The following GABRG3 variants were observed in gnomAD, a reference collection of about 807,000 sequenced individuals.
GABRG3 encodes the protein gamma-aminobutyric acid type A receptor subunit gamma3, also known as gamma-aminobutyric acid receptor subunit gamma-3.
Under a neutral mutation model 48.8 loss-of-function variants are expected in GABRG3, and 25 were observed. The observed-to-expected ratio is 0.51, with a 90% CI of 0.37 to 0.72. GABRG3 has a LOEUF of 0.72. Ranked by LOEUF, GABRG3 falls within the 30% of genes least tolerant of loss-of-function variation. The pLI is 0.00. For synonymous variants in GABRG3, 227 were observed against 217.6 expected (o/e 1.04, Z -0.38); for missense variants, 394 against 577.9 (o/e 0.68, Z 3.26).
chr15:27,244,271 C>T (rs141964206), intron 3 of GABRG3, among the ~76,000 whole-genome samples: 33 of 152,226 alleles, frequency 2.2e-4, no homozygotes, highest in African/African-American at 7.7e-4. Context: ...TATTAACCGC[C>T]CACAGAGTCA....
rs1894947136 is a variant in GABRG3 at position 26,976,463 on chromosome 15, C to A, written c.54-539C>A. Reference sequence around the variant, plus strand: ...TGAGTGCCGGCAAAGCAGACCCCCTCACAATGCTCAAGTGCCTAGACCCCC... The same window carrying A: ...TGAGTGCCGGCAAAGCAGACCCCCTAACAATGCTCAAGTGCCTAGACCCCC... On this transcript the variant is annotated intron_variant, in intron 1 of 9. Transcript: ENST00000615808. This position sits in a 1 kb window ranked among gnomAD's most constrained non-coding sequence, Gnocchi z 7.8. Among the ~76,000 whole-genome samples, 1 of 152,172 alleles carries A rather than the reference C, an allele frequency of 6.6e-6. No individual in the cohort carries two copies. The highest frequency in any genetic ancestry group is 2.4e-5 in the African/African-American group (1 of 41,450).
intron 3 of GABRG3, among the ~76,000 whole-genome samples, chr15:27,187,441 G>C (rs996154206): frequency 5.3e-5 from 8 of 152,068 alleles, no homozygotes; most frequent in African/African-American, 1.7e-4. Flanking sequence ...ATTCTGTGAA[G>C]AAAATGGCAT....
At chr15:27,218,685 C>T (rs1269416151) in intron 3 of GABRG3, among the ~76,000 whole-genome samples, 2 of 152,238 alleles carry the variant, frequency 1.3e-5, no homozygotes, top group South Asian at 4.2e-4. Flanking sequence ...TCATTCCTAC[C>T]CTCAATGCAA....
At chr15:27,467,911 G>C (rs1412471908) in intron 5 of GABRG3, among the ~76,000 whole-genome samples, 2 of 152,180 alleles carry the variant, frequency 1.3e-5, no homozygotes, top group Non-Finnish European at 2.9e-5. Context: ...CAATTCATAA[G>C]TTTTACATTG....
At chr15:27,198,749 A>G (rs1451402024) in intron 3 of GABRG3, among the ~76,000 whole-genome samples, 1 of 152,218 alleles carries the variant, frequency 6.6e-6, no homozygotes, top group Non-Finnish European at 1.5e-5. Flanking sequence ...ACCAACCCAA[A>G]TGCCCATCAA....
At chr15:27,229,689 C>T (rs1889740180) in intron 3 of GABRG3, among the ~76,000 whole-genome samples, 1 of 152,074 alleles carries the variant, frequency 6.6e-6, no homozygotes, top group Non-Finnish European at 1.5e-5. Flanking sequence ...GTTGGCCAGG[C>T]TGGTCTCTAA....
intron 3 of GABRG3, among the ~76,000 whole-genome samples, chr15:27,300,129 C>T (rs763491259): frequency 1.3e-5 from 2 of 152,144 alleles, no homozygotes; most frequent in African/African-American, 2.4e-5. Flanking sequence ...ATTGAACCTG[C>T]AGTGTGAACC....
chr15:27,092,982 C>T (rs940458023), intron 3 of GABRG3, among the ~76,000 whole-genome samples: 6 of 152,026 alleles, frequency 3.9e-5, no homozygotes, highest in South Asian at 2.1e-4. Context: ...TGAGAAGGGG[C>T]CTCCTTCTGT....
At chr15:27,004,552 C>T (rs943714143) in intron 2 of GABRG3, among the ~76,000 whole-genome samples, 8 of 151,962 alleles carry the variant, frequency 5.3e-5, no homozygotes, top group African/African-American at 9.7e-5. Flanking sequence ...GGGTGGCGGC[C>T]GGGCAGAGGC....
chr15:27,308,392 CAT>C lies in GABRG3; in HGVS notation c.271-18413_271-18412del, dbSNP rs199925422. ...ATATAAACATTTGTTTATATATAAA[CAT>C]ATAATATAAACATATATAAACATGT... On this transcript the variant is annotated intron_variant, in intron 3 of 9. Coordinates refer to ENST00000615808, the MANE Select transcript of GABRG3 (RefSeq NM_033223.5). Among the ~76,000 whole-genome samples, 676 of 139,156 alleles carry C rather than the reference CAT, an allele frequency of 4.9e-3. 4 individuals are homozygous for C. The highest frequency in any genetic ancestry group is 0.017 in the African/African-American group (599 of 36,216). 91.3% of individuals were successfully genotyped at this position (139,156 alleles called of 152,430 possible). A position where few individuals can be genotyped will look rare whatever the true frequency, so the allele number is the denominator to read the frequency against.
chr15:27,353,019 A>G (rs112414870), intron 5 of GABRG3, among the ~76,000 whole-genome samples: 1 of 152,048 alleles, frequency 6.6e-6, no homozygotes, highest in African/African-American at 2.4e-5. Flanking sequence ...GTGTTCCTTC[A>G]TGTTCTTTTC....
chr15:27,271,491 A>G (rs146108783), intron 3 of GABRG3: 524 of 452,970 alleles, frequency 1.2e-3, no homozygotes, highest in African/African-American at 8.7e-3. Context: ...CCTCAGAGCA[A>G]CAGGCCACGC....
chr15:27,126,096 A>T (rs988836567), intron 3 of GABRG3, among the ~76,000 whole-genome samples: 3 of 152,174 alleles, frequency 2.0e-5, no homozygotes, highest in African/African-American at 7.2e-5. Flanking sequence ...GATTGGAGAG[A>T]CACAATCTCA....
At chr15:27,221,728 TTGTC>T (rs1889460869) in intron 3 of GABRG3, among the ~76,000 whole-genome samples, 1 of 152,220 alleles carries the variant, frequency 6.6e-6, no homozygotes, top group African/African-American at 2.4e-5. Flanking sequence ...TCTCCTGTAT[TTGTC>T]TGGATCAACG....
chr15:27,061,815 G>C (rs74006570), intron 3 of GABRG3, among the ~76,000 whole-genome samples: 1 of 152,044 alleles, frequency 6.6e-6, no homozygotes. Flanking sequence ...AAGGGTATCC[G>C]GGCCTGGTGG....
In GABRG3 at chr15:27,398,386, C is replaced by T. The variant is rs567712354; in HGVS notation, c.574+69498C>T. ...TTAAATTGACTTATTTACTCTCATGCGACATATTGTACTTTTAATTTATAA... is the reference window on the plus strand; with the variant it reads ...TTAAATTGACTTATTTACTCTCATGTGACATATTGTACTTTTAATTTATAA... On this transcript the variant is annotated intron_variant, in intron 5 of 9. Coordinates refer to ENST00000615808, the MANE Select transcript of GABRG3 (RefSeq NM_033223.5). 1.3e-4 allele frequency among the ~76,000 whole-genome samples: 20 copies of T among 152,130 alleles called. No homozygotes were observed. In the South Asian group the frequency reaches 1.9e-3, roughly 14 times the overall value.
intron 3 of GABRG3, among the ~76,000 whole-genome samples, chr15:27,242,250 T>TTATC (rs1890148878): frequency 1.3e-5 from 2 of 152,172 alleles, no homozygotes; most frequent in South Asian, 4.1e-4. Context: ...GGCTGGGAGA[T>TTATC]TCTGTTCTCT....
At chr15:27,116,244 C>G (rs182882377) in intron 3 of GABRG3, among the ~76,000 whole-genome samples, 1 of 152,276 alleles carries the variant, frequency 6.6e-6, no homozygotes, top group South Asian at 2.1e-4. Flanking sequence ...TGCCCAAAGA[C>G]GGAACCTAGC....
intron 3 of GABRG3, among the ~76,000 whole-genome samples, chr15:27,035,455 C>T (rs967407556): frequency 2.0e-5 from 3 of 152,112 alleles, no homozygotes; most frequent in African/African-American, 2.4e-5. Flanking sequence ...TTTTGCACTT[C>T]GATTGGATAT....
Sources: gnomAD v4.1 joint callset for allele counts (sites outside exome capture counted in the v4.1 genomes callset) on GRCh38, gnomAD v4.1.1 for gene constraint, Gnocchi (gnomAD v3.1) non-coding constraint, MANE v1.5 for transcripts, NCBI Gene and HGNC (gene_info 2026-07-23, HGNC 2026-07-21) for gene names.